MEST: variants seen among roughly 807,000 people sequenced by gnomAD.
The protein encoded by MEST is mesoderm-specific transcript homolog protein.
Under a neutral mutation model 50.9 loss-of-function variants are expected in MEST, and 18 were observed. That is an observed-to-expected ratio of 0.35 (90% confidence interval 0.24 to 0.52). The LOEUF is 0.52. MEST is among the 20% of genes least tolerant of loss of function. The probability of loss-of-function intolerance (pLI) is 0.94; values close to 1 mark genes in which losing one functional copy is unlikely to be tolerated. For synonymous variants in MEST, 130 were observed against 154.1 expected (o/e 0.84, Z 1.16); for missense variants, 282 against 425.3 (o/e 0.66, Z 2.96).
intron 6 of MEST, among the ~76,000 whole-genome samples, chr7:130,499,409 C>T (rs189418222): frequency 6.6e-6 from 1 of 152,178 alleles, no homozygotes; most frequent in Admixed American, 6.5e-5. Flanking sequence ...TCTTACAGCC[C>T]AAATCATTAA....
In MEST at chr7:130,498,455, G is replaced by C. The variant is rs1554437764; in HGVS notation, c.513G>C (p.Lys171Asn). Reference protein sequence around the residue: ...KQNRSGRLTIKSLCLSNGGIF... With the variant: ...KQNRSGRLTINSLCLSNGGIF... ...ATCGATCTGGTCGGCTTACCATAAA[G>C]AGTCTCTGTCTGTCAAATGGAGGTA... The change falls in exon 6 of 12, where the codon AAG becomes AAC. Residue 171 changes from lysine to asparagine, a missense_variant. By Grantham distance (94) the Lys-to-Asn change is moderately conservative. Coordinates refer to ENST00000223215, the MANE Select transcript of MEST (RefSeq NM_002402.4). 2 of 1,614,154 alleles carry C rather than the reference G, an allele frequency of 1.2e-6. No homozygotes were observed. The highest frequency in any genetic ancestry group is 1.7e-5 in the Admixed American group (1 of 60,024).
At chr7:130,494,935 G>A in intron 1 of MEST, 1 of 603,674 alleles carries the variant, frequency 1.7e-6, no homozygotes. Flanking sequence ...GGGGTAGTGG[G>A]TAGATGGTAG....
intron 9 of MEST, among the ~76,000 whole-genome samples, chr7:130,501,255 T>C (rs1799268139): frequency 6.6e-6 from 1 of 152,172 alleles, no homozygotes; most frequent in Admixed American, 6.5e-5. Context: ...AATGAGAATG[T>C]AGACACTTTC....
chr7:130,504,886 C>T (rs1799419665), intron 11 of MEST, 53 bp from the exon 12 acceptor site: 1 of 1,418,464 alleles, frequency 7.0e-7, no homozygotes, highest in East Asian at 2.3e-5. Context: ...CACTGGCTTA[C>T]ATCCCTCCCG....
At position 130,500,813 on chromosome 7, in the gene MEST, T is replaced by C. The variant is rs1799249486; in HGVS notation, c.672T>C (p.Tyr224=). 3 of 1,613,526 alleles carry C rather than the reference T, an allele frequency of 1.9e-6. No homozygotes were observed. The highest frequency in any genetic ancestry group is 1.3e-5 in the African/African-American group (1 of 74,890). The change falls in exon 9 of 12, where the codon TAT becomes TAC. Residue 224 remains tyrosine (Y), a synonymous_variant. Coordinates refer to ENST00000223215, the MANE Select transcript of MEST (RefSeq NM_002402.4). The surrounding 1 kb of genome is among the most constrained non-coding windows in gnomAD (Gnocchi z 5.0). ...SRGLTPVFGP[Y]TRPSESELWD... ...GTCTCACCCCAGTCTTTGGGCCGTA[T>C]ACTCGGCCCTCTGAGAGTGAGCTGT...
Position 130,497,279 on chromosome 7 carries a change from C to G in MEST, c.261+44C>G, listed in dbSNP as rs1554437280. 1 of 1,550,246 alleles carries G rather than the reference C, an allele frequency of 6.5e-7. No individual in the cohort carries two copies. The highest frequency in any genetic ancestry group is 2.3e-5 in the East Asian group (1 of 43,260). ...TACGTCCTACTATGTCTTAAAAAATCTCGGCCGGGCGCGGGGGCTCAAATC... is the reference window on the plus strand; with the variant it reads ...TACGTCCTACTATGTCTTAAAAAATGTCGGCCGGGCGCGGGGGCTCAAATC... On this transcript the variant is annotated intron_variant, in intron 3 of 11. Transcript: ENST00000223215. The surrounding 1 kb of genome is among the most constrained non-coding windows in gnomAD (Gnocchi z 4.0).
upstream of MEST, chr7:130,490,952 T>G (rs577152034): frequency 3.3e-5 from 5 of 152,352 alleles, no homozygotes; most frequent in Admixed American, 2.0e-4. Context: ...CACCGAACCT[T>G]TCGGGGTGCA....
intron 2 of MEST, chr7:130,496,195 G>T: frequency 2.2e-6 from 1 of 459,938 alleles, no homozygotes; most frequent in Non-Finnish European, 4.5e-6. Flanking sequence ...CCTCTCATTT[G>T]CTATATTCAA....
At chr7:130,495,668 G>C in intron 2 of MEST, 146 bp downstream of exon 2, 1 of 845,278 alleles carries the variant, frequency 1.2e-6, no homozygotes, top group Non-Finnish European at 1.7e-6. Flanking sequence ...TGCTTGCAGA[G>C]AAGCGCAGAA....
intron 6 of MEST, among the ~76,000 whole-genome samples, chr7:130,499,149 T>G (rs1161129651): frequency 6.6e-6 from 1 of 152,218 alleles, no homozygotes; most frequent in East Asian, 1.9e-4. Flanking sequence ...AACTCCTAAC[T>G]GATGGCAGTG....
At position 130,492,171 on chromosome 7, in the gene MEST, G is replaced by A; in HGVS notation, c.-143G>A. 2.0e-6 allele frequency: 1 copy of A among 512,168 alleles called. No individual in the cohort carries two copies. Among genetic ancestry groups the A allele is most frequent in the East Asian group, 4.8e-5 (1 of 20,656 alleles). 31.7% of individuals were successfully genotyped at this position (512,168 alleles called of 1,614,324 possible). A position where few individuals can be genotyped will look rare whatever the true frequency, so the allele number is the denominator to read the frequency against. Reference sequence around the variant, plus strand: ...TGCCGCAGCGCACGCCGGAGTGGCTGTAGCTGCCCGGCGCGGCGCCGCCCT... The same window carrying A: ...TGCCGCAGCGCACGCCGGAGTGGCTATAGCTGCCCGGCGCGGCGCCGCCCT... On this transcript the variant is annotated 5_prime_UTR_variant, in exon 1 of 12. Coordinates refer to ENST00000223215, the MANE Select transcript of MEST (RefSeq NM_002402.4). The surrounding 1 kb of genome is among the most constrained non-coding windows in gnomAD (Gnocchi z 7.6).
At chr7:130,502,177 C>T (rs1554438650) in intron 9 of MEST, among the ~76,000 whole-genome samples, 1 of 151,890 alleles carries the variant, frequency 6.6e-6, no homozygotes, top group Non-Finnish European at 1.5e-5. Flanking sequence ...GCTATGATTG[C>T]ACCTGTGACT....
intron 4 of MEST, 29 bp from the exon 5 acceptor site, chr7:130,498,110 C>G (rs782653492): frequency 6.2e-7 from 1 of 1,614,104 alleles, no homozygotes; most frequent in Non-Finnish European, 8.5e-7. Flanking sequence ...ATGACTTCAT[C>G]CTGTGTATGT....
In MEST at chr7:130,492,670, G is replaced by A. The variant is rs1798873951; in HGVS notation, c.26+331G>A. Reference sequence around the variant, plus strand: ...CCCTGGTCTCACCCTGATGCGAATTGGGATTTTTAGATCCTGGCATCACCC... The same window carrying A: ...CCCTGGTCTCACCCTGATGCGAATTAGGATTTTTAGATCCTGGCATCACCC... On this transcript the variant is annotated intron_variant, in intron 1 of 11. Coordinates refer to ENST00000223215, the MANE Select transcript of MEST (RefSeq NM_002402.4). This position sits in a 1 kb window ranked among gnomAD's most constrained non-coding sequence, Gnocchi z 7.6. 3.7e-6 allele frequency: 1 copy of A among 272,000 alleles called. No homozygotes were observed. Among genetic ancestry groups the A allele is most frequent in the African/African-American group, 2.2e-5 (1 of 45,368 alleles). The allele number at this position is 272,000 out of a possible 1,614,324, so 16.8% of individuals were successfully genotyped here.
At chr7:130,491,306 G>C (rs1198681578), upstream of MEST, 1 of 152,444 alleles carries the variant, frequency 6.6e-6, no homozygotes, top group African/African-American at 2.4e-5. This position sits in a 1 kb window ranked among gnomAD's most constrained non-coding sequence, Gnocchi z 6.8. Context: ...GCGGACCGGC[G>C]CATGCAGCGA....
At chr7:130,498,099 C>T in intron 4 of MEST, 40 bp from the exon 5 acceptor site, 1 of 1,614,068 alleles carries the variant, frequency 6.2e-7, no homozygotes, top group Non-Finnish European at 8.5e-7. Flanking sequence ...GAGCTGTCCT[C>T]ATGACTTCAT....
intron 2 of MEST, 102 bp downstream of exon 2, chr7:130,495,624 G>T: frequency 8.4e-7 from 1 of 1,190,668 alleles, no homozygotes. Flanking sequence ...CCTTAATGAT[G>T]GAGGAGAGTA....
In MEST at chr7:130,506,209, T is replaced by A. The variant is rs1415054493; in HGVS notation, c.*1153T>A. The A allele has an allele frequency of 6.6e-6, 1 of 152,516 alleles. No homozygotes were observed. Among genetic ancestry groups the A allele is most frequent in the Non-Finnish European group, 1.5e-5 (1 of 68,050 alleles). 9.4% of individuals were successfully genotyped at this position (152,516 alleles called of 1,614,324 possible). ...TAAGTGATTATTTAAAATTCGTTTT[T>A]TTAAATTAGCAACTTCAAGTATAAC... On this transcript the variant is annotated 3_prime_UTR_variant, in exon 12 of 12. Coordinates refer to ENST00000223215, the MANE Select transcript of MEST (RefSeq NM_002402.4).
At chr7:130,490,260 G>T (rs1380662420), upstream of MEST, among the ~76,000 whole-genome samples, 3 of 152,114 alleles carry the variant, frequency 2.0e-5, no homozygotes, top group Admixed American at 1.3e-4. Flanking sequence ...ATTTTCTCTA[G>T]AACAAATTCC....
Sources: allele counts gnomAD v4.1 joint callset (sites outside exome capture counted in the v4.1 genomes callset), GRCh38; gene constraint gnomAD v4.1.1; non-coding constraint Gnocchi (gnomAD v3.1); transcripts MANE v1.5; gene names NCBI Gene and HGNC (gene_info 2026-07-23, HGNC 2026-07-21).